The following RGS20 variants were observed in gnomAD, a reference collection of about 807,000 sequenced individuals.
RGS20 encodes regulator of G protein signaling 20.
Under a neutral mutation model 33.6 loss-of-function variants are expected in RGS20, and 30 were observed. The observed-to-expected ratio is 0.89, with a 90% CI of 0.67 to 1.21. RGS20 has a LOEUF of 1.21. Among genes scored for constraint, RGS20 ranks in the 50% most tolerant of loss-of-function variants. The pLI is 0.00. For missense variants in RGS20, 472 were observed against 502.4 expected (o/e 0.94, Z 0.58); for synonymous variants, 208 against 197.9 (o/e 1.05, Z -0.43).
intron 1 of RGS20, among the ~76,000 whole-genome samples, chr8:53,863,128 C>T (rs1219935453): frequency 6.6e-6 from 1 of 152,130 alleles, no homozygotes; most frequent in African/African-American, 2.4e-5. Flanking sequence ...GCTGGGATTA[C>T]AGGCATGTGC....
intron 2 of RGS20, among the ~76,000 whole-genome samples, chr8:53,930,178 CTAAT>C (rs1271787407): frequency 1.3e-5 from 2 of 152,160 alleles, no homozygotes; most frequent in Non-Finnish European, 2.9e-5. Flanking sequence ...GTATGATCAT[CTAAT>C]TAAAGAATGA....
intron 2 of RGS20, among the ~76,000 whole-genome samples, chr8:53,919,844 T>A (rs533847501): frequency 6.6e-6 from 1 of 152,264 alleles, no homozygotes; most frequent in East Asian, 1.9e-4. Flanking sequence ...AACAGCATTG[T>A]CTTATATTTT....
At chr8:53,915,662 G>A (rs1813463250) in intron 2 of RGS20, among the ~76,000 whole-genome samples, 1 of 152,176 alleles carries the variant, frequency 6.6e-6, no homozygotes, top group African/African-American at 2.4e-5. Context: ...CAGTCCGGAG[G>A]GAAGCTGCAG....
intron 2 of RGS20, among the ~76,000 whole-genome samples, chr8:53,889,640 TG>T (rs749724454): frequency 1.3e-5 from 2 of 151,754 alleles, no homozygotes; most frequent in Non-Finnish European, 2.9e-5. Flanking sequence ...ATTTTTCTAT[TG>T]TGCCGCTGAT....
chr8:53,869,363 T>C (rs1206740759), intron 1 of RGS20, among the ~76,000 whole-genome samples: 1 of 152,186 alleles, frequency 6.6e-6, no homozygotes, highest in Admixed American at 6.5e-5. Flanking sequence ...AATTCACATT[T>C]ATTTATTAGA....
intron 2 of RGS20, among the ~76,000 whole-genome samples, chr8:53,896,543 T>G (rs1475657480): frequency 6.6e-6 from 1 of 152,198 alleles, no homozygotes; most frequent in Non-Finnish European, 1.5e-5. Context: ...TTACTAAGTT[T>G]TTGTAGGAAA....
At chr8:53,878,043 C>T (rs1203371577) in intron 1 of RGS20, among the ~76,000 whole-genome samples, 1 of 152,244 alleles carries the variant, frequency 6.6e-6, no homozygotes, top group East Asian at 1.9e-4. Flanking sequence ...CCACGCCCAA[C>T]CCAGAACACC....
chr8:53,958,282 T>C lies in RGS20; in HGVS notation c.991T>C (p.Ser331Pro), dbSNP rs761877227. The change falls in exon 6 of 6, where the codon TCC (serine) becomes CCC (proline). Residue 331 changes from serine to proline, a missense_variant. This residue lies in a region of RGS20 where 125 missense variants were observed against 169.5 expected (regional missense o/e 0.74). Transcript: ENST00000297313. ...TTTCTGTCGACAGGTGAGCTTAGAC[T>C]CCCGGGTGAGAGAAGTGATCAACAG... The C allele has an allele frequency of 2.5e-6, 4 of 1,611,048 alleles. No individual in the cohort carries two copies. In the Admixed American group the frequency reaches 6.7e-5, roughly 27 times the overall value.
chr8:53,946,939 T>A (rs961591671), intron 4 of RGS20, among the ~76,000 whole-genome samples, 191 bp downstream of exon 3: 5 of 151,816 alleles, frequency 3.3e-5, no homozygotes, highest in African/African-American at 1.2e-4. Flanking sequence ...GGGAGAGAAA[T>A]CAGTTCCATT....
chr8:53,868,586 T>C (rs1034322199), intron 1 of RGS20, among the ~76,000 whole-genome samples: 10 of 152,050 alleles, frequency 6.6e-5, no homozygotes, highest in Admixed American at 6.6e-4. Flanking sequence ...ATTCTTATAA[T>C]AAAGATAAGT....
chr8:53,935,476 C>A lies in RGS20; in HGVS notation c.511-4100C>A, dbSNP rs529121814. ...CTACCATCAGAGAATATTATAAACA[C>A]CTCTACACAAATAAACTAGAAAATC... On this transcript the variant is annotated intron_variant, in intron 2 of 5. Coordinates refer to ENST00000297313, the MANE Select transcript of RGS20 (RefSeq NM_170587.4). Among the ~76,000 whole-genome samples the A allele has an allele frequency of 7.9e-5, 12 of 152,298 alleles. No homozygotes were observed. In the South Asian group the frequency reaches 1.7e-3, roughly 21 times the overall value.
chr8:53,873,656 G>A (rs1031016044), intron 1 of RGS20, among the ~76,000 whole-genome samples: 34 of 152,136 alleles, frequency 2.2e-4, no homozygotes, highest in African/African-American at 6.8e-4. Flanking sequence ...ATCCACCCAA[G>A]CACTTTTCTA....
chr8:53,870,020 G>A (rs1285151957), intron 1 of RGS20, among the ~76,000 whole-genome samples: 1 of 152,176 alleles, frequency 6.6e-6, no homozygotes, highest in Non-Finnish European at 1.5e-5. Context: ...AGATGGGGGA[G>A]TAGGAGTGAT....
At chr8:53,859,941 A>T (rs1331769227) in intron 1 of RGS20, among the ~76,000 whole-genome samples, 1 of 152,182 alleles carries the variant, frequency 6.6e-6, no homozygotes, top group East Asian at 1.9e-4. Flanking sequence ...ACATATGGGG[A>T]TTATGGGAGC....
chr8:53,946,726 G>C lies in RGS20; in HGVS notation c.721G>C (p.Asp241His), dbSNP rs1585952628. The C allele has an allele frequency of 6.2e-7, 1 of 1,612,676 alleles. No individual in the cohort carries two copies. Among genetic ancestry groups the C allele is most frequent in the Non-Finnish European group, 8.5e-7 (1 of 1,179,310 alleles). The change falls in exon 4 of 6, where the codon GAT becomes CAT. Residue 241 changes from aspartate (D) to histidine (H), a missense_variant. Around this residue, in one of 3 missense-constraint regions of RGS20, gnomAD observed 319 missense variants for 283.4 expected, o/e 1.13. Coordinates refer to ENST00000297313, the MANE Select transcript of RGS20 (RefSeq NM_170587.4). ...AATAGCTTCCCACGAACTCAGAGCAGATCTTCCAACCTGGGAAGAAAGGTG... is the reference window on the plus strand; with the variant it reads ...AATAGCTTCCCACGAACTCAGAGCACATCTTCCAACCTGGGAAGAAAGGTG...
intron 4 of RGS20, among the ~76,000 whole-genome samples, chr8:53,949,706 G>A (rs1814655524): frequency 1.3e-5 from 2 of 151,892 alleles, no homozygotes; most frequent in Non-Finnish European, 2.9e-5. Flanking sequence ...GACAGAGCAA[G>A]ACTCTGCCTC....
intron 1 of RGS20, among the ~76,000 whole-genome samples, chr8:53,856,680 T>A (rs977927334): frequency 6.6e-6 from 1 of 152,132 alleles, no homozygotes; most frequent in African/African-American, 2.4e-5. Flanking sequence ...TCTGTCAATA[T>A]AGATATATAT....
At chr8:53,878,137 C>T (rs573765007) in intron 1 of RGS20, among the ~76,000 whole-genome samples, 10 of 152,210 alleles carry the variant, frequency 6.6e-5, no homozygotes, top group Non-Finnish European at 1.5e-4. Flanking sequence ...GCAACCACCG[C>T]TCTTGTTTTT....
intron 2 of RGS20, among the ~76,000 whole-genome samples, chr8:53,904,703 A>G (rs1448598477): frequency 1.3e-5 from 2 of 152,206 alleles, no homozygotes; most frequent in African/African-American, 4.8e-5. Flanking sequence ...ATCACTGGGA[A>G]TGCACCCCAG....
Sources: gnomAD v4.1 joint callset for allele counts (sites outside exome capture counted in the v4.1 genomes callset) on GRCh38, gnomAD v4.1.1 for gene constraint, gnomAD v4.1.1 regional missense constraint, MANE v1.5 for transcripts, NCBI Gene and HGNC (gene_info 2026-07-23, HGNC 2026-07-21) for gene names.